PDE2A: variants seen among roughly 807,000 people sequenced by gnomAD.
PDE2A encodes cGMP-dependent 3',5'-cyclic phosphodiesterase.
Under a neutral mutation model 133.6 loss-of-function variants are expected in PDE2A, and 53 were observed. The ratio of observed to expected loss-of-function variants is 0.40; its 90% confidence interval spans 0.32 to 0.50. PDE2A has a LOEUF of 0.50. Among genes scored for constraint, PDE2A ranks in the 20% least tolerant of loss-of-function variants. The pLI, the probability that PDE2A is intolerant of heterozygous loss-of-function variation, is 0.73. For missense variants in PDE2A, 796 were observed against 1,232.4 expected (o/e 0.65, Z 5.30); for synonymous variants, 491 against 490.2 (o/e 1.00, Z -0.02).
At chr11:72,640,289 G>A (rs922609203) in intron 2 of PDE2A, among the ~76,000 whole-genome samples, 1 of 151,568 alleles carries the variant, frequency 6.6e-6, no homozygotes, top group African/African-American at 2.4e-5. Context: ...AACCTGCATA[G>A]ATAATGTGCA....
chr11:72,648,396 G>A (rs1377478143), intron 1 of PDE2A, among the ~76,000 whole-genome samples: 1 of 152,174 alleles, frequency 6.6e-6, no homozygotes, highest in Non-Finnish European at 1.5e-5. Flanking sequence ...TGTGGCCACG[G>A]GCAGGTGCTG....
At chr11:72,586,687 C>G (rs748035405) in intron 13 of PDE2A, among the ~76,000 whole-genome samples, 1 of 152,228 alleles carries the variant, frequency 6.6e-6, no homozygotes, top group Non-Finnish European at 1.5e-5. Flanking sequence ...ACAAGATAAG[C>G]CCCAAATCCT....
In PDE2A at chr11:72,578,442, C is replaced by T. The variant is rs201827994; in HGVS notation, c.2508+34G>A. The stretch of plus-strand genomic sequence containing the variant: ...CTGTCCCAGGCCAGGAACCCTCCCC[C>T]ATCCTGGACATCCTGGGGTCACTCC... On this transcript the variant is annotated intron_variant, in intron 29 of 30. Coordinates refer to ENST00000334456, the MANE Select transcript of PDE2A (RefSeq NM_002599.5). This position sits in a 1 kb window ranked among gnomAD's most constrained non-coding sequence, Gnocchi z 4.2. The T allele has an allele frequency of 4.4e-6, 7 of 1,600,274 alleles. No individual in the cohort carries two copies. The highest frequency in any genetic ancestry group is 6.0e-6 in the Non-Finnish European group (7 of 1,167,352).
chr11:72,613,747 G>A (rs956363289), intron 2 of PDE2A, among the ~76,000 whole-genome samples: 4 of 152,206 alleles, frequency 2.6e-5, no homozygotes, highest in South Asian at 2.1e-4. Flanking sequence ...CAAGAGAAGC[G>A]CCCACAGAAT....
chr11:72,624,747 C>T (rs956200418), intron 2 of PDE2A, among the ~76,000 whole-genome samples: 1 of 152,256 alleles, frequency 6.6e-6, no homozygotes, highest in Admixed American at 6.5e-5. Flanking sequence ...ATCAATATCA[C>T]ACAGTGTTAC....
chr11:72,661,421 G>GT (rs1855056343), intron 1 of PDE2A, among the ~76,000 whole-genome samples: 5 of 152,016 alleles, frequency 3.3e-5, no homozygotes, highest in Non-Finnish European at 5.9e-5. Flanking sequence ...TTTTTGGGGG[G>GT]GTTTTTTGGC....
intron 6 of PDE2A, 111 bp from the exon 7 acceptor site, chr11:72,591,467 C>A: frequency 1.3e-6 from 1 of 775,406 alleles, no homozygotes; most frequent in Non-Finnish European, 2.3e-6. Flanking sequence ...CATACACACT[C>A]CAGTCTGTGG....
intron 6 of PDE2A, among the ~76,000 whole-genome samples, chr11:72,594,640 T>C (rs2135318517): frequency 6.6e-6 from 1 of 152,208 alleles, no homozygotes; most frequent in African/African-American, 2.4e-5. Context: ...CTCAACAGCA[T>C]GCACCCCTAC....
rs1241850289 is a variant in PDE2A, at chr11:72,597,690, C to T, written c.324-71G>A. ...AGGAACGAGGCCTGGCCTGGGAACA[C>T]AGGACAGTTTGGACCCTGCACATGT... On this transcript the variant is annotated intron_variant, in intron 4 of 30. Transcript: ENST00000334456. This position sits in a 1 kb window ranked among gnomAD's most constrained non-coding sequence, Gnocchi z 4.6. 1 of 1,053,670 alleles carries T rather than the reference C, an allele frequency of 9.5e-7. No individual in the cohort carries two copies. The highest frequency in any genetic ancestry group is 2.5e-5 in the East Asian group (1 of 39,850). 65.3% of individuals were successfully genotyped at this position (1,053,670 alleles called of 1,614,324 possible).
intron 16 of PDE2A, chr11:72,585,164 G>A (rs976631868): frequency 1.3e-4 from 82 of 642,876 alleles, no homozygotes; most frequent in Admixed American, 4.0e-4. Flanking sequence ...ACTGTGATAG[G>A]AGCTGAGGAT....
chr11:72,605,853 T>TATA (rs59684920), intron 3 of PDE2A, among the ~76,000 whole-genome samples: 22,687 of 151,912 alleles, frequency 0.15, 2,454 homozygotes, highest in East Asian at 0.46. Flanking sequence ...TCCCAGGCCT[T>TATA]ATAGCAGGTA....
At chr11:72,673,546 G>A (rs552435867) in intron 1 of PDE2A, among the ~76,000 whole-genome samples, 3 of 152,188 alleles carry the variant, frequency 2.0e-5, no homozygotes, top group Admixed American at 6.5e-5. Flanking sequence ...ATCTGGCTCC[G>A]TAGAACCCTA....
chr11:72,581,384 T>C lies in PDE2A; in HGVS notation c.2018A>G (p.Lys673Arg). The C allele has an allele frequency of 1.9e-6, 3 of 1,613,168 alleles. No individual in the cohort carries two copies. The highest frequency in any genetic ancestry group is 2.5e-6 in the Non-Finnish European group (3 of 1,179,818). ...GAGGTAGTTGGTGAGCTCCAGGTTC[T>C]TGTAGAGCAGGTAGCAGAAGTGGGA... is the stretch of plus-strand genomic sequence containing the variant. ...SVSHFCYLLY[K>R]NLELTNYLED... The change falls in exon 23 of 31, where the codon AAG (lysine) becomes AGG (arginine). Residue 673 changes from lysine to arginine, a missense_variant. Physicochemically the swap from Lys to Arg is conservative, Grantham distance 26. Transcript: ENST00000334456.
chr11:72,642,219 C>T (rs1858983951), intron 2 of PDE2A, 35 bp downstream of exon 2: 3 of 1,446,504 alleles, frequency 2.1e-6, no homozygotes, highest in Middle Eastern at 1.8e-4. Context: ...CCGGACACCC[C>T]GTTCTCCTGG....
intron 2 of PDE2A, chr11:72,631,009 T>C: frequency 7.7e-7 from 1 of 1,300,860 alleles, no homozygotes; most frequent in South Asian, 1.3e-5. Flanking sequence ...AGGGCACCAC[T>C]CAGACTGATC....
chr11:72,644,439 G>T (rs932404532), intron 1 of PDE2A, among the ~76,000 whole-genome samples: 1 of 152,252 alleles, frequency 6.6e-6, no homozygotes, highest in Non-Finnish European at 1.5e-5. Context: ...ACCCATGTAA[G>T]GGCTGTTGGA....
At chr11:72,631,149 CAAG>C (rs1292589719) in intron 2 of PDE2A, 2 of 1,542,838 alleles carry the variant, frequency 1.3e-6, no homozygotes. Flanking sequence ...GCTGCAGAGA[CAAG>C]AAGGTCAGGG....
chr11:72,579,507 T>TTCC, intron 26 of PDE2A, 27 bp downstream of exon 26: 1 of 1,354,170 alleles, frequency 7.4e-7, no homozygotes, highest in Non-Finnish European at 1.0e-6. Flanking sequence ...TCCCCCTCAA[T>TTCC]CCCCACCCCA....
Position 72,581,120 on chromosome 11 carries a change from A to G in PDE2A, c.2046-147T>C, listed in dbSNP as rs1855705577. 1.8e-5 allele frequency: 13 copies of G among 731,342 alleles called. No individual in the cohort carries two copies. In the South Asian group the frequency reaches 2.1e-4, roughly 12 times the overall value. The allele number at this position is 731,342 out of a possible 1,614,324, so 45.3% of individuals were successfully genotyped here. ...CTGGGTTCCCTTCCTGGAAAGAAGC[A>G]CTGGTTTGGAGCCCAGCAGACCCGG... On this transcript the variant is annotated intron_variant, in intron 23 of 30. Coordinates refer to ENST00000334456, the MANE Select transcript of PDE2A (RefSeq NM_002599.5).
Sources: gnomAD v4.1 joint callset for allele counts (sites outside exome capture counted in the v4.1 genomes callset) on GRCh38, gnomAD v4.1.1 for gene constraint, Gnocchi (gnomAD v3.1) non-coding constraint, MANE v1.5 for transcripts, NCBI Gene and HGNC (gene_info 2026-07-23, HGNC 2026-07-21) for gene names.